The following ZSWIM2 variants were observed in gnomAD, a reference collection of about 807,000 sequenced individuals.
The protein encoded by ZSWIM2 is E3 ubiquitin-protein ligase ZSWIM2.
In ZSWIM2, 38 loss-of-function variants were observed where a neutral mutation model predicts 48.4. The observed-to-expected ratio is 0.79, with a 90% CI of 0.61 to 1.03. ZSWIM2 has a LOEUF of 1.03. ZSWIM2 is among the 50% of genes least tolerant of loss of function. ZSWIM2 has a pLI of 0.00. For missense variants in ZSWIM2, 776 were observed against 730.2 expected (o/e 1.06, Z -0.72); for synonymous variants, 240 against 251.3 (o/e 0.96, Z 0.42).
rs977498927 is a variant in ZSWIM2 at position 186,844,607 on chromosome 2, A to C, written c.283+110T>G. 16 of 1,119,598 alleles carry C rather than the reference A, an allele frequency of 1.4e-5. No homozygotes were observed. In the Admixed American group the frequency reaches 4.2e-4, roughly 29 times the overall value. 69.4% of individuals were successfully genotyped at this position (1,119,598 alleles called of 1,614,324 possible). A position where few individuals can be genotyped will look rare whatever the true frequency, so the allele number is the denominator to read the frequency against. On this transcript the variant is annotated intron_variant, in intron 3 of 8. Transcript: ENST00000295131. ...CTACTGATAGTTACGATTCCCTAGA[A>C]AAGTAACCATCTAAATTTAGAAAAT... is the stretch of plus-strand genomic sequence containing the variant.
At chr2:186,841,077 T>A (rs1042414503) in intron 3 of ZSWIM2, among the ~76,000 whole-genome samples, 63 of 151,518 alleles carry the variant, frequency 4.2e-4, no homozygotes, top group African/African-American at 1.4e-3. Flanking sequence ...TAATAAACGT[T>A]ACTATTTGTT....
In ZSWIM2 at chr2:186,840,110, G is replaced by A. The variant is rs867475187; in HGVS notation, c.284-941C>T. On this transcript the variant is annotated intron_variant, in intron 3 of 8. Coordinates refer to ENST00000295131, the MANE Select transcript of ZSWIM2 (RefSeq NM_182521.3). ...GTTACATTTCAATACAGAAATCGCA[G>A]TTCCCTGTCAGATGTTATGGCAAGT... is the stretch of plus-strand genomic sequence containing the variant. Among the ~76,000 whole-genome samples the A allele has an allele frequency of 7.9e-5, 12 of 151,502 alleles. No homozygotes were observed. In the South Asian group the frequency reaches 2.5e-3, roughly 31 times the overall value.
intron 3 of ZSWIM2, among the ~76,000 whole-genome samples, chr2:186,839,392 T>C (rs1245688561): frequency 4.0e-5 from 6 of 151,836 alleles, no homozygotes; most frequent in African/African-American, 1.4e-4. Context: ...TTCTTGTAAC[T>C]GAAAAAGAGT....
In ZSWIM2 at chr2:186,833,978, A is replaced by T; in HGVS notation, c.796T>A (p.Cys266Ser). 6.2e-7 allele frequency: 1 copy of T among 1,613,416 alleles called. No homozygotes were observed. Among genetic ancestry groups the T allele is most frequent in the Non-Finnish European group, 8.5e-7 (1 of 1,179,622 alleles). Reference sequence around the variant, plus strand: ...AATGTAAACGTGTGGGAAAGATGGCAGCAGCTATCAAAACATTCCTGGCAT... The same window carrying T: ...AATGTAAACGTGTGGGAAAGATGGCTGCAGCTATCAAAACATTCCTGGCAT... ...HLCQECFDSC[C>S]HLSHTFTFRE... Residue 266 changes from cysteine to serine, a missense_variant, in exon 6 of 9, where the codon TGC becomes AGC. Coordinates refer to ENST00000295131, the MANE Select transcript of ZSWIM2 (RefSeq NM_182521.3).
intron 5 of ZSWIM2, among the ~76,000 whole-genome samples, chr2:186,835,101 TC>T (rs1691771148): frequency 6.6e-6 from 1 of 152,152 alleles, no homozygotes; most frequent in Non-Finnish European, 1.5e-5. Context: ...AGTGCTGCTT[TC>T]CAGTTGTTTC....
At chr2:186,839,301 C>T in intron 3 of ZSWIM2, 132 bp from the exon 4 acceptor site, 1 of 656,200 alleles carries the variant, frequency 1.5e-6, no homozygotes, top group Non-Finnish European at 2.4e-6. Context: ...ATCACACTGA[C>T]ATTGACCCCT....
chr2:186,844,071 G>C (rs1691953994), intron 3 of ZSWIM2, among the ~76,000 whole-genome samples: 2 of 151,574 alleles, frequency 1.3e-5, no homozygotes, highest in Non-Finnish European at 3.0e-5. Flanking sequence ...GATGGGTCTA[G>C]TATTGGTCAA....
chr2:186,830,005 A>G, intron 7 of ZSWIM2, 125 bp from the exon 8 acceptor site: 1 of 913,142 alleles, frequency 1.1e-6, no homozygotes, highest in Non-Finnish European at 1.7e-6. Context: ...CTTGAACTAA[A>G]GATAATAAAT....
At chr2:186,829,196 C>G (rs6744956) in intron 8 of ZSWIM2, among the ~76,000 whole-genome samples, 27,754 of 151,872 alleles carry the variant, frequency 0.18, 3,869 homozygotes, top group African/African-American at 0.4. Flanking sequence ...GCCATTTTAA[C>G]TAAGGATGAC....
intron 5 of ZSWIM2, among the ~76,000 whole-genome samples, chr2:186,836,744 T>A (rs542009308): frequency 6.6e-6 from 1 of 152,144 alleles, no homozygotes; most frequent in Non-Finnish European, 1.5e-5. Context: ...TGGGAAAGTT[T>A]GGGGGTTACT....
Position 186,837,571 on chromosome 2 carries a change from T to C in ZSWIM2, c.495-17A>G, listed in dbSNP as rs1691816489. 2.5e-6 allele frequency: 4 copies of C among 1,597,962 alleles called. No homozygotes were observed. The highest frequency in any genetic ancestry group is 3.4e-6 in the Non-Finnish European group (4 of 1,172,024). On this transcript the variant is annotated splice_polypyrimidine_tract_variant and intron_variant, in intron 4 of 8. Transcript: ENST00000295131. ...CAGCCAAACCTATGAGAGATAAAATTGAAGTTTACCATTTGTATAGAGCAG... is the reference window on the plus strand; with the variant it reads ...CAGCCAAACCTATGAGAGATAAAATCGAAGTTTACCATTTGTATAGAGCAG...
At position 186,844,716 on chromosome 2, in the gene ZSWIM2, C is replaced by A; in HGVS notation, c.283+1G>T. On this transcript the variant is annotated splice_donor_variant, in intron 3 of 8. Transcript: ENST00000295131. LOFTEE classifies it high-confidence loss of function. ...CAAAAAACCCAAACCCCAAAACTTA[C>A]ATTCATGGTTCCTTGGAAGCTTGAA... 1 of 1,552,274 alleles carries A rather than the reference C, an allele frequency of 6.4e-7. No individual in the cohort carries two copies. The highest frequency in any genetic ancestry group is 8.6e-7 in the Non-Finnish European group (1 of 1,156,486).
intron 7 of ZSWIM2, among the ~76,000 whole-genome samples, chr2:186,831,989 C>T (rs1339731443): frequency 1.3e-5 from 2 of 151,978 alleles, no homozygotes; most frequent in African/African-American, 2.4e-5. Flanking sequence ...CAAACCTGCA[C>T]GTTGTGCACA....
Position 186,844,701 on chromosome 2 carries a change from A to C in ZSWIM2, c.283+16T>G. Reference sequence around the variant, plus strand: ...AATAAAAAAAAAACACAAAAAACCCAAACCCCAAAACTTACATTCATGGTT... The same window carrying C: ...AATAAAAAAAAAACACAAAAAACCCCAACCCCAAAACTTACATTCATGGTT... On this transcript the variant is annotated intron_variant, in intron 3 of 8. Coordinates refer to ENST00000295131, the MANE Select transcript of ZSWIM2 (RefSeq NM_182521.3). 6.5e-7 allele frequency: 1 copy of C among 1,548,582 alleles called. No homozygotes were observed. Among genetic ancestry groups the C allele is most frequent in the Non-Finnish European group, 8.6e-7 (1 of 1,156,380 alleles).
chr2:186,840,895 AT>A (rs1404539376), intron 3 of ZSWIM2, among the ~76,000 whole-genome samples: 1 of 151,438 alleles, frequency 6.6e-6, no homozygotes, highest in East Asian at 1.9e-4. Context: ...AGTAATGCTT[AT>A]AATAATTAAG....
At position 186,837,161 on chromosome 2, in the gene ZSWIM2, G is replaced by A. The variant is rs1691807595; in HGVS notation, c.743+145C>T. 3 of 770,814 alleles carry A rather than the reference G, an allele frequency of 3.9e-6. No homozygotes were observed. In the Admixed American group the frequency reaches 7.9e-5, roughly 20 times the overall value. The allele number at this position is 770,814 out of a possible 1,614,324, so 47.7% of individuals were successfully genotyped here. A position where few individuals can be genotyped will look rare whatever the true frequency, so the allele number is the denominator to read the frequency against. On this transcript the variant is annotated intron_variant, in intron 5 of 8. Transcript: ENST00000295131. ...TGGACTGAGATAGAAGTCAGTCTGT[G>A]AGTCCTAAATAAGCAGTCGTCACAC... is the stretch of plus-strand genomic sequence containing the variant.
intron 3 of ZSWIM2, among the ~76,000 whole-genome samples, chr2:186,842,366 A>G (rs910047589): frequency 1.8e-4 from 27 of 151,300 alleles, no homozygotes; most frequent in Admixed American, 4.6e-4. Context: ...GATTTTCTCA[A>G]TGCCTACTAA....
At chr2:186,833,669 T>C (rs1332643463) in intron 6 of ZSWIM2, among the ~76,000 whole-genome samples, 1 of 152,186 alleles carries the variant, frequency 6.6e-6, no homozygotes, top group East Asian at 1.9e-4. Context: ...AAACTAATGT[T>C]CAAGTTTGAT....
chr2:186,838,703 AATATAT>A (rs1040091375), intron 4 of ZSWIM2, among the ~76,000 whole-genome samples: 1 of 147,030 alleles, frequency 6.8e-6, no homozygotes. Context: ...TGTTATATAT[AATATAT>A]ATATTTCTAT....
Sources: allele counts gnomAD v4.1 joint callset (sites outside exome capture counted in the v4.1 genomes callset), GRCh38; gene constraint gnomAD v4.1.1; transcripts MANE v1.5; gene names NCBI Gene and HGNC (gene_info 2026-07-23, HGNC 2026-07-21).